Variants in PARL observed in about 807,000 individuals in gnomAD.
PARL encodes presenilin associated rhomboid like.
PARL carries 44 observed loss-of-function variants against 51.6 expected under a neutral mutation model. The observed-to-expected ratio is 0.85, with a 90% CI of 0.67 to 1.10. The LOEUF (loss-of-function observed/expected upper bound fraction) is 1.10, where lower values mean the gene tolerates loss of function less well. Among genes scored for constraint, PARL ranks in the 50% least tolerant of loss-of-function variants. The pLI, the probability that PARL is intolerant of heterozygous loss-of-function variation, is 0.00. For synonymous variants in PARL, 172 were observed against 164.0 expected (o/e 1.05, Z -0.37); for missense variants, 441 against 469.5 (o/e 0.94, Z 0.56).
intron 4 of PARL, chr3:183,844,773 A>G: frequency 6.1e-6 from 1 of 163,570 alleles, no homozygotes; most frequent in East Asian, 1.7e-4. Context: ...TTATGGAAAC[A>G]TATGTGAGTC....
chr3:183,843,993 T>C (rs929780286), intron 5 of PARL, among the ~76,000 whole-genome samples: 1 of 151,554 alleles, frequency 6.6e-6, no homozygotes, highest in African/African-American at 2.4e-5. Context: ...GAGCTAAGAC[T>C]GCACCACTGC....
downstream of PARL, among the ~76,000 whole-genome samples, chr3:183,827,695 C>T (rs1199687377): frequency 6.6e-6 from 1 of 152,048 alleles, no homozygotes; most frequent in African/African-American, 2.4e-5. Flanking sequence ...CAGACTTCAC[C>T]GATTGCTCGT....
chr3:183,848,582 G>A (rs1410105380), intron 4 of PARL, among the ~76,000 whole-genome samples: 1 of 152,182 alleles, frequency 6.6e-6, no homozygotes, highest in African/African-American at 2.4e-5. Flanking sequence ...CGAGGTAGCT[G>A]GTAGAATGGA....
intron 1 of PARL, among the ~76,000 whole-genome samples, chr3:183,872,951 C>T (rs1357167479): frequency 6.6e-6 from 1 of 152,122 alleles, no homozygotes; most frequent in Non-Finnish European, 1.5e-5. Flanking sequence ...CACTTACCTC[C>T]CATCATCCTA....
intron 4 of PARL, among the ~76,000 whole-genome samples, chr3:183,847,389 C>T (rs1247330720): frequency 6.6e-6 from 1 of 151,954 alleles, no homozygotes; most frequent in Non-Finnish European, 1.5e-5. Context: ...ATAGTGAGAC[C>T]TCCTCTTTAC....
At chr3:183,838,990 G>A (rs1016547842) in intron 7 of PARL, among the ~76,000 whole-genome samples, 12 of 152,114 alleles carry the variant, frequency 7.9e-5, no homozygotes, top group Admixed American at 5.2e-4. Context: ...TCATCCTAGT[G>A]GTCTTCACTG....
Position 183,833,795 on chromosome 3 carries a change from C to T in PARL, c.859G>A (p.Val287Ile). 2 of 1,613,320 alleles carry T rather than the reference C, an allele frequency of 1.2e-6. No individual in the cohort carries two copies. Among genetic ancestry groups the T allele is most frequent in the Non-Finnish European group, 1.7e-6 (2 of 1,179,210 alleles). ...CTCCCTTCTGGGATCTTAGTGCAGA[C>T]AGCTGCGAGGACTGTCATGATGGCA... The part of the protein sequence containing the change: ...SGAIMTVLAA[V>I]CTKIPEGRLA... Residue 287 changes from valine to isoleucine, a missense_variant, in exon 8 of 10, where the codon GTC becomes ATC. Physicochemically the swap from Val to Ile is conservative, Grantham distance 29. Coordinates refer to ENST00000317096, the MANE Select transcript of PARL (RefSeq NM_018622.7).
chr3:183,869,366 CCTGG>C (rs1421947653), intron 1 of PARL, among the ~76,000 whole-genome samples: 2 of 152,100 alleles, frequency 1.3e-5, no homozygotes, highest in Admixed American at 6.6e-5. Flanking sequence ...CACCACCACA[CCTGG>C]CTAATTTTTG....
intron 9 of PARL, 95 bp from the exon 10 acceptor site, chr3:183,829,804 C>A (rs920527964): frequency 1.2e-5 from 12 of 962,110 alleles, no homozygotes; most frequent in Admixed American, 3.4e-5. Context: ...TTTTTAAAAT[C>A]GAATGCCACT....
intron 4 of PARL, among the ~76,000 whole-genome samples, chr3:183,862,065 C>G (rs748473830): frequency 6.6e-6 from 1 of 152,168 alleles, no homozygotes; most frequent in Non-Finnish European, 1.5e-5. Flanking sequence ...ATGAGCCACT[C>G]TTCCTGGCAA....
intron 4 of PARL, among the ~76,000 whole-genome samples, chr3:183,848,821 C>A (rs1730250368): frequency 2.0e-5 from 3 of 152,092 alleles, no homozygotes; most frequent in Admixed American, 1.3e-4. Context: ...AGAGACTAAT[C>A]AAAAATCTTG....
chr3:183,843,290 ATG>A, intron 5 of PARL: 1 of 985,384 alleles, frequency 1.0e-6, no homozygotes, highest in Non-Finnish European at 1.2e-6. Flanking sequence ...ACTTGTCCTT[ATG>A]GCAAAAGTTG....
chr3:183,849,918 A>G (rs1304199846), intron 4 of PARL, among the ~76,000 whole-genome samples: 1 of 152,230 alleles, frequency 6.6e-6, no homozygotes, highest in Non-Finnish European at 1.5e-5. Flanking sequence ...ATTATATACC[A>G]ACAAATGAGA....
At chr3:183,884,176 G>A (rs1734857570) in intron 1 of PARL, among the ~76,000 whole-genome samples, 1 of 152,116 alleles carries the variant, frequency 6.6e-6, no homozygotes, top group Non-Finnish European at 1.5e-5. Context: ...CGGAAGGTTC[G>A]GCAGTTTTCT....
downstream of PARL, among the ~76,000 whole-genome samples, chr3:183,827,349 A>T (rs1727490926): frequency 6.6e-6 from 1 of 152,016 alleles, no homozygotes; most frequent in Non-Finnish European, 1.5e-5. Flanking sequence ...AGCTACTTGG[A>T]GGCTGAGGCT....
chr3:183,846,927 G>A lies in PARL; in HGVS notation c.512-2601C>T, dbSNP rs76822837. 1.6e-3 allele frequency among the ~76,000 whole-genome samples: 239 copies of A among 152,334 alleles called. 1 individual carries two copies. The highest frequency in any genetic ancestry group is 5.3e-3 in the African/African-American group (222 of 41,572). On this transcript the variant is annotated intron_variant, in intron 4 of 9. Coordinates refer to ENST00000317096, the MANE Select transcript of PARL (RefSeq NM_018622.7). ...TCAGAGGGCCAAATTCAGTGGCCAA[G>A]CCAGAATTCCTAATCTAGTGCTCTT...
chr3:183,829,830 T>A, intron 9 of PARL, 121 bp from the exon 10 acceptor site: 1 of 806,478 alleles, frequency 1.2e-6, no homozygotes. Context: ...TGTAGCCGAT[T>A]AAAACTGACT....
chr3:183,868,739 GT>G (rs1732827531), intron 1 of PARL, among the ~76,000 whole-genome samples: 1 of 152,132 alleles, frequency 6.6e-6, no homozygotes, highest in Non-Finnish European at 1.5e-5. Flanking sequence ...ATGACTTCTG[GT>G]TTTTTGTTTA....
chr3:183,831,383 G>A (rs906997345), intron 9 of PARL, among the ~76,000 whole-genome samples: 5 of 152,178 alleles, frequency 3.3e-5, no homozygotes, highest in African/African-American at 1.2e-4. Flanking sequence ...TTTTCATTTG[G>A]CTAAACTAAA....
Sources: allele counts gnomAD v4.1 joint callset (sites outside exome capture counted in the v4.1 genomes callset), GRCh38; gene constraint gnomAD v4.1.1; transcripts MANE v1.5; gene names NCBI Gene and HGNC (gene_info 2026-07-23, HGNC 2026-07-21).